The following NTNG2 variants were observed in gnomAD, a reference collection of about 807,000 sequenced individuals.
The protein encoded by NTNG2 is netrin G2.
Under a neutral mutation model 47.6 loss-of-function variants are expected in NTNG2, and 15 were observed. The observed-to-expected ratio is 0.32, with a 90% CI of 0.21 to 0.49. The LOEUF (loss-of-function observed/expected upper bound fraction) is 0.49. NTNG2 is among the 20% of genes least tolerant of loss of function. The pLI is 0.99. For missense variants in NTNG2, 578 were observed against 764.6 expected, an observed-to-expected ratio of 0.76 and a Z score of 2.88; for synonymous variants, 307 against 324.6, an observed-to-expected ratio of 0.95 and a Z score of 0.58.
chr9:132,163,415 G>T lies in NTNG2; in HGVS notation c.-484+1176G>T, dbSNP rs1251537665. Among the ~76,000 whole-genome samples the T allele has an allele frequency of 6.6e-6, 1 of 151,724 alleles. No individual in the cohort carries two copies. Among genetic ancestry groups the T allele is most frequent in the East Asian group, 2.0e-4 (1 of 5,122 alleles). Reference sequence around the variant, plus strand: ...TAAAGGGCCCGCTCCGGAGCGGGGGGACACCCGGGCCGCCGGAATTAAGAG... The same window carrying T: ...TAAAGGGCCCGCTCCGGAGCGGGGGTACACCCGGGCCGCCGGAATTAAGAG... On this transcript the variant is annotated intron_variant, in intron 1 of 7. Coordinates refer to ENST00000393229, the MANE Select transcript of NTNG2 (RefSeq NM_032536.4). The surrounding 1 kb of genome is among the most constrained non-coding windows in gnomAD (Gnocchi z 7.2).
intron 2 of NTNG2, among the ~76,000 whole-genome samples, chr9:132,193,069 C>T (rs1054387488): frequency 8.5e-5 from 13 of 152,158 alleles, no homozygotes; most frequent in African/African-American, 1.9e-4. Context: ...CCCTGTCCCC[C>T]GCCACAATGC....
At chr9:132,206,329 G>A (rs1374775562) in intron 3 of NTNG2, among the ~76,000 whole-genome samples, 2 of 152,222 alleles carry the variant, frequency 1.3e-5, no homozygotes, top group African/African-American at 4.8e-5. Context: ...AATATTTGGA[G>A]AGTCCCTGGA....
chr9:132,175,779 C>T (rs2131327897), intron 2 of NTNG2, among the ~76,000 whole-genome samples: 1 of 152,204 alleles, frequency 6.6e-6, no homozygotes, highest in South Asian at 2.1e-4. Flanking sequence ...CGAGAATACG[C>T]CCCCAGCCTC....
chr9:132,182,978 C>G lies in NTNG2; in HGVS notation c.214-14988C>G, dbSNP rs561265763. Reference sequence around the variant, plus strand: ...AACCTCCCCAGGTGGTCCCAGTGCACAGCCAAGTTTGAGAAGCACCGATTG... The same window carrying G: ...AACCTCCCCAGGTGGTCCCAGTGCAGAGCCAAGTTTGAGAAGCACCGATTG... On this transcript the variant is annotated intron_variant, in intron 2 of 7. Coordinates refer to ENST00000393229, the MANE Select transcript of NTNG2 (RefSeq NM_032536.4). This position sits in a 1 kb window ranked among gnomAD's most constrained non-coding sequence, Gnocchi z 4.2. 1.4e-4 allele frequency among the ~76,000 whole-genome samples: 21 copies of G among 152,330 alleles called. No homozygotes were observed. Among genetic ancestry groups the G allele is most frequent in the African/African-American group, 4.8e-4 (20 of 41,574 alleles).
chr9:132,199,537 T>C (rs1449615932), intron 3 of NTNG2, among the ~76,000 whole-genome samples: 1 of 152,194 alleles, frequency 6.6e-6, no homozygotes, highest in Non-Finnish European at 1.5e-5. Context: ...CAGGCAGGGA[T>C]GCTTACTGAA....
intron 2 of NTNG2, among the ~76,000 whole-genome samples, chr9:132,178,126 T>G (rs1393862400): frequency 6.6e-6 from 1 of 152,176 alleles, no homozygotes; most frequent in Non-Finnish European, 1.5e-5. Flanking sequence ...CAGATCCCAG[T>G]CATTTGATGA....
intron 2 of NTNG2, among the ~76,000 whole-genome samples, chr9:132,187,675 G>A (rs1340971884): frequency 6.6e-6 from 1 of 152,114 alleles, no homozygotes; most frequent in Non-Finnish European, 1.5e-5. Flanking sequence ...ATTAGAATCA[G>A]CTCTGAACAG....
At chr9:132,216,304 C>T (rs1274821942) in intron 3 of NTNG2, among the ~76,000 whole-genome samples, 2 of 151,958 alleles carry the variant, frequency 1.3e-5, no homozygotes, top group African/African-American at 2.4e-5. Context: ...AAAAATTAAA[C>T]CCAGAGAAGT....
intron 1 of NTNG2, among the ~76,000 whole-genome samples, chr9:132,165,617 G>A (rs1202316199): frequency 2.0e-5 from 3 of 152,176 alleles, no homozygotes; most frequent in African/African-American, 7.2e-5. Context: ...GTACATATAG[G>A]TATGGGTCCA....
chr9:132,182,426 T>C lies in NTNG2; in HGVS notation c.213+15382T>C, dbSNP rs887669898. On this transcript the variant is annotated intron_variant, in intron 2 of 7. Transcript: ENST00000393229. This position sits in a 1 kb window ranked among gnomAD's most constrained non-coding sequence, Gnocchi z 4.2. Reference sequence around the variant, plus strand: ...CCTCCCCTGCACTGGGTTGGCCGCCTCTCAGCCTAGAGGAGGGGCACTGGA... The same window carrying C: ...CCTCCCCTGCACTGGGTTGGCCGCCCCTCAGCCTAGAGGAGGGGCACTGGA... Among the ~76,000 whole-genome samples, 2 of 152,004 alleles carry C rather than the reference T, an allele frequency of 1.3e-5. No homozygotes were observed. Among genetic ancestry groups the C allele is most frequent in the African/African-American group, 4.8e-5 (2 of 41,382 alleles).
chr9:132,188,761 C>T (rs1192518488), intron 2 of NTNG2, among the ~76,000 whole-genome samples: 4 of 152,192 alleles, frequency 2.6e-5, no homozygotes, highest in Admixed American at 1.3e-4. Flanking sequence ...GGCATCATTC[C>T]TATGACAACC....
chr9:132,205,103 C>T (rs1033267138), intron 3 of NTNG2, among the ~76,000 whole-genome samples: 23 of 152,272 alleles, frequency 1.5e-4, no homozygotes, highest in African/African-American at 5.1e-4. Context: ...AGCAATTCCG[C>T]TCCTAGGTAT....
rs1223023644 is a variant in NTNG2, at chr9:132,163,949, A to T, written c.-484+1710A>T. 6.6e-6 allele frequency among the ~76,000 whole-genome samples: 1 copy of T among 152,206 alleles called. No individual in the cohort carries two copies. The highest frequency in any genetic ancestry group is 2.4e-5 in the African/African-American group (1 of 41,444). Reference sequence around the variant, plus strand: ...TGCAGTTTCTTAATAATATCAGGTGAAGATAAATTTTCCACGGAGAAAACG... The same window carrying T: ...TGCAGTTTCTTAATAATATCAGGTGTAGATAAATTTTCCACGGAGAAAACG... On this transcript the variant is annotated intron_variant, in intron 1 of 7. Coordinates refer to ENST00000393229, the MANE Select transcript of NTNG2 (RefSeq NM_032536.4). This position sits in a 1 kb window ranked among gnomAD's most constrained non-coding sequence, Gnocchi z 7.2.
chr9:132,196,273 C>G (rs145831164), intron 2 of NTNG2, among the ~76,000 whole-genome samples: 11 of 152,348 alleles, frequency 7.2e-5, no homozygotes, highest in African/African-American at 2.4e-4. Flanking sequence ...TCACTGCAAC[C>G]TACGCCTCCA....
At chr9:132,178,882 G>A in intron 2 of NTNG2, among the ~76,000 whole-genome samples, 1 of 151,296 alleles carries the variant, frequency 6.6e-6, no homozygotes, top group Non-Finnish European at 1.5e-5. Flanking sequence ...CTTGAACCTG[G>A]GAGGCGGAGG....
chr9:132,207,481 G>A (rs1242819060), intron 3 of NTNG2, among the ~76,000 whole-genome samples: 2 of 152,220 alleles, frequency 1.3e-5, no homozygotes, highest in Non-Finnish European at 2.9e-5. Context: ...CTTACACGCT[G>A]TCTCCCCGTG....
At chr9:132,186,974 C>A (rs1837438151) in intron 2 of NTNG2, among the ~76,000 whole-genome samples, 1 of 152,246 alleles carries the variant, frequency 6.6e-6, no homozygotes, top group South Asian at 2.1e-4. Flanking sequence ...GGTTGAAAGG[C>A]CTAAAGTGCT....
At chr9:132,223,941 G>A (rs573828868) in intron 3 of NTNG2, among the ~76,000 whole-genome samples, 8 of 151,896 alleles carry the variant, frequency 5.3e-5, no homozygotes, top group South Asian at 4.1e-4. Context: ...CAGACCTCAC[G>A]GGTGGAACTT....
intron 2 of NTNG2, among the ~76,000 whole-genome samples, chr9:132,186,607 G>A (rs543476020): frequency 8.5e-5 from 13 of 152,290 alleles, no homozygotes; most frequent in Admixed American, 7.2e-4. Context: ...ACCCTCTCCC[G>A]GGCAGCTCGT....
Sources: allele counts gnomAD v4.1 joint callset (sites outside exome capture counted in the v4.1 genomes callset), GRCh38; gene constraint gnomAD v4.1.1; non-coding constraint Gnocchi (gnomAD v3.1); transcripts MANE v1.5; gene names NCBI Gene and HGNC (gene_info 2026-07-23, HGNC 2026-07-21).